PCDHGB2: variants seen among roughly 807,000 people sequenced by gnomAD.
The protein encoded by PCDHGB2 is protocadherin gamma subfamily B, 2.
Under a neutral mutation model 59.3 loss-of-function variants are expected in PCDHGB2, and 55 were observed. The ratio of observed to expected loss-of-function variants is 0.93; its 90% CI spans 0.75 to 1.16. The LOEUF (loss-of-function observed/expected upper bound fraction) is 1.16, where lower values mean the gene tolerates loss of function less well. Among genes scored for constraint, PCDHGB2 ranks in the 50% most tolerant of loss-of-function variants. The probability of loss-of-function intolerance (pLI) is 0.00; values close to 1 mark genes in which losing one functional copy is unlikely to be tolerated. For missense variants in PCDHGB2, 1,228 were observed against 1,198.5 expected, an observed-to-expected ratio of 1.02 and a Z score of -0.36; for synonymous variants, 516 against 512.0, an observed-to-expected ratio of 1.01 and a Z score of -0.11.
chr5:141,473,680 C>T (rs888876529), intron 1 of PCDHGB2, among the ~76,000 whole-genome samples: 3 of 152,100 alleles, frequency 2.0e-5, no homozygotes, highest in Non-Finnish European at 2.9e-5. Flanking sequence ...CAGGGAAGGG[C>T]TGGGGTTCTG....
chr5:141,414,537 T>C (rs2095757230), intron 1 of PCDHGB2: 1 of 1,613,978 alleles, frequency 6.2e-7, no homozygotes, highest in Non-Finnish European at 8.5e-7. Flanking sequence ...ACAACCCACC[T>C]ACCTTCTCTC....
intron 3 of PCDHGB2, among the ~76,000 whole-genome samples, chr5:141,506,948 G>A (rs949082646): frequency 6.6e-6 from 1 of 152,162 alleles, no homozygotes; most frequent in Non-Finnish European, 1.5e-5. Flanking sequence ...TCCTGTCAAT[G>A]AATCCTCTCA....
intron 1 of PCDHGB2, chr5:141,413,151 T>G (rs1192899612): frequency 6.4e-7 from 1 of 1,573,560 alleles, no homozygotes; most frequent in Non-Finnish European, 8.6e-7. Context: ...GTGAGGACTT[T>G]GCAGAATTCT....
In PCDHGB2 at chr5:141,489,459, C is replaced by A; in HGVS notation, c.2422-5348C>A. ...AATTGGGCTCTGAGGAGAATGGGCG[C>A]TATTTTTCCCTGAGCTTGATGAGTG... On this transcript the variant is annotated intron_variant, in intron 1 of 3. Transcript: ENST00000522605. The surrounding 1 kb of genome is among the most constrained non-coding windows in gnomAD (Gnocchi z 4.5). 1 of 1,614,086 alleles carries A rather than the reference C, an allele frequency of 6.2e-7. No individual in the cohort carries two copies. The highest frequency in any genetic ancestry group is 8.5e-7 in the Non-Finnish European group (1 of 1,180,012).
At chr5:141,399,581 A>G (rs375436846) in intron 1 of PCDHGB2, 20 of 1,613,788 alleles carry the variant, frequency 1.2e-5, no homozygotes, top group Non-Finnish European at 1.4e-5. Context: ...CAAGTCTCCT[A>G]CTCTATCATG....
At position 141,477,213 on chromosome 5, in the gene PCDHGB2, C is replaced by G; in HGVS notation, c.2422-17594C>G. ...TACAGCCCAGTACCCGAGGATGCCC[C>G]TCTGGGGACTGTCATCGCTTTGCTC... is the stretch of plus-strand genomic sequence containing the variant. On this transcript the variant is annotated intron_variant, in intron 1 of 3. Coordinates refer to ENST00000522605, the MANE Select transcript of PCDHGB2 (RefSeq NM_018923.3). The surrounding 1 kb of genome is among the most constrained non-coding windows in gnomAD (Gnocchi z 4.9). 6.2e-7 allele frequency: 1 copy of G among 1,614,184 alleles called. No individual in the cohort carries two copies.
At position 141,416,146 on chromosome 5, in the gene PCDHGB2, G is replaced by T. The variant is rs114133295; in HGVS notation, c.2421+53590G>T. 4.2e-3 allele frequency: 636 copies of T among 153,236 alleles called. 7 individuals carry two copies. Among genetic ancestry groups the T allele is most frequent in the South Asian group, 0.03 (145 of 4,832 alleles). 9.5% of individuals were successfully genotyped at this position (153,236 alleles called of 1,614,324 possible). Reference sequence around the variant, plus strand: ...TATATTTTTCAATCTATACTTTGTGGTGATAGTTGCAGTTGAATATACTAA... The same window carrying T: ...TATATTTTTCAATCTATACTTTGTGTTGATAGTTGCAGTTGAATATACTAA... On this transcript the variant is annotated intron_variant, in intron 1 of 3. Transcript: ENST00000522605.
chr5:141,372,497 G>T, intron 1 of PCDHGB2: 2 of 1,614,032 alleles, frequency 1.2e-6, no homozygotes, highest in Non-Finnish European at 1.7e-6. Flanking sequence ...TGATCTCAGT[G>T]CTCTTCCTCC....
intron 1 of PCDHGB2, chr5:141,427,300 A>G: frequency 2.2e-6 from 1 of 456,912 alleles, no homozygotes; most frequent in Non-Finnish European, 4.4e-6. Flanking sequence ...CTAGATGAGA[A>G]TGACAATGCC....
chr5:141,456,975 A>T (rs1240583336), intron 1 of PCDHGB2, among the ~76,000 whole-genome samples: 1 of 152,178 alleles, frequency 6.6e-6, no homozygotes, highest in East Asian at 1.9e-4. Flanking sequence ...AACAAAACAA[A>T]CAAACAAACA....
intron 1 of PCDHGB2, chr5:141,376,412 G>A (rs1772658839): frequency 1.9e-6 from 3 of 1,614,164 alleles, no homozygotes; most frequent in African/African-American, 1.3e-5. Context: ...CAACTATGCC[G>A]ACACGCTTAT....
intron 2 of PCDHGB2, among the ~76,000 whole-genome samples, chr5:141,495,107 AC>A (rs1422274779): frequency 1.3e-5 from 2 of 152,048 alleles, no homozygotes; most frequent in Non-Finnish European, 2.9e-5. Context: ...CACGACCGGC[AC>A]CTTTTCCTAT....
intron 1 of PCDHGB2, among the ~76,000 whole-genome samples, chr5:141,465,839 G>A (rs1166392052): frequency 6.6e-6 from 1 of 151,400 alleles, no homozygotes; most frequent in Non-Finnish European, 1.5e-5. Context: ...AATTTCAACT[G>A]AGGCTGGGCC....
chr5:141,419,067 A>C (rs2096321794), intron 1 of PCDHGB2: 2 of 1,613,956 alleles, frequency 1.2e-6, no homozygotes, highest in African/African-American at 1.3e-5. Flanking sequence ...AATTACTACA[A>C]GCTAGTAACA....
chr5:141,399,327 G>C (rs2093787081), intron 1 of PCDHGB2: 2 of 1,613,936 alleles, frequency 1.2e-6, no homozygotes, highest in African/African-American at 1.3e-5. Flanking sequence ...CGTATAAGTT[G>C]GTAACAGATG....
chr5:141,399,559 G>C, intron 1 of PCDHGB2: 1 of 1,614,038 alleles, frequency 6.2e-7, no homozygotes, highest in Non-Finnish European at 8.5e-7. Context: ...CCTGGACTTG[G>C]GGTTGAACGG....
rs1421670958 is a variant in PCDHGB2, at chr5:141,432,558, A to C, written c.2422-62249A>C. ...GTGGCGGTGGACAGAGACTCCGGCC[A>C]GAACGCCTGGCTGTCCTACCGTCTG... On this transcript the variant is annotated intron_variant, in intron 1 of 3. Transcript: ENST00000522605. This position sits in a 1 kb window ranked among gnomAD's most constrained non-coding sequence, Gnocchi z 6.0. The C allele has an allele frequency of 1.9e-6, 3 of 1,613,756 alleles. No individual in the cohort carries two copies. The highest frequency in any genetic ancestry group is 2.2e-5 in the South Asian group (2 of 91,060).
intron 1 of PCDHGB2, among the ~76,000 whole-genome samples, chr5:141,456,288 G>A (rs371687260): frequency 1.4e-3 from 217 of 152,226 alleles, no homozygotes; most frequent in Middle Eastern, 6.8e-3. Context: ...GAAAAGGGGC[G>A]TCTAATGGAG....
At chr5:141,394,235 G>C (rs1444438979) in intron 1 of PCDHGB2, 1 of 1,613,820 alleles carries the variant, frequency 6.2e-7, no homozygotes, top group South Asian at 1.1e-5. Flanking sequence ...TCTTTTCCTT[G>C]ACTGCACACG....
Sources: allele counts gnomAD v4.1 joint callset (sites outside exome capture counted in the v4.1 genomes callset), GRCh38; gene constraint gnomAD v4.1.1; non-coding constraint Gnocchi (gnomAD v3.1); transcripts MANE v1.5; gene names NCBI Gene and HGNC (gene_info 2026-07-23, HGNC 2026-07-21).